The following MATN1 variants were observed in gnomAD, a reference collection of about 807,000 sequenced individuals.
MATN1 encodes the protein matrilin 1, also known as matrilin-1.
Under a neutral mutation model 41.3 loss-of-function variants are expected in MATN1, and 34 were observed. That is an observed-to-expected ratio of 0.82 (90% CI 0.63 to 1.10). The LOEUF is 1.10. Among genes scored for constraint, MATN1 ranks in the 50% least tolerant of loss-of-function variants. MATN1 has a pLI of 0.00. For missense variants in MATN1, 602 were observed against 662.4 expected (o/e 0.91, Z 1.00); for synonymous variants, 264 against 278.7 (o/e 0.95, Z 0.53).
chr1:30,715,347 G>T, intron 5 of MATN1, 38 bp from the exon 6 acceptor site: 1 of 1,609,246 alleles, frequency 6.2e-7, no homozygotes, highest in Non-Finnish European at 8.5e-7. Context: ...CTGGACATGG[G>T]GATGGGCAAC....
chr1:30,715,437 A>G, intron 5 of MATN1, 128 bp from the exon 6 acceptor site: 1 of 806,608 alleles, frequency 1.2e-6, no homozygotes, highest in Non-Finnish European at 2.0e-6. Flanking sequence ...AATTGCAAGC[A>G]CAATGCCTGG....
At position 30,712,030 on chromosome 1, in the gene MATN1, T is replaced by C. The variant is rs1276625951; in HGVS notation, c.*1552A>G. ...GTGTATTTGTGCTGTTGTACTGATG[T>C]AGCTCTTGGGTACCGTTCGTGTTGT... On this transcript the variant is annotated 3_prime_UTR_variant, in exon 8 of 8. Coordinates refer to ENST00000373765, the MANE Select transcript of MATN1 (RefSeq NM_002379.3). 2 of 152,612 alleles carry C rather than the reference T, an allele frequency of 1.3e-5. No individual in the cohort carries two copies. The highest frequency in any genetic ancestry group is 2.9e-5 in the Non-Finnish European group (2 of 68,110). 9.5% of individuals were successfully genotyped at this position (152,612 alleles called of 1,614,324 possible).
intron 1 of MATN1, 95 bp from the exon 2 acceptor site, chr1:30,721,846 C>G: frequency 2.9e-6 from 3 of 1,028,060 alleles, no homozygotes; most frequent in East Asian, 2.5e-5. Flanking sequence ...GATCCAGGTG[C>G]GAGGCCTCGG....
At chr1:30,717,800 G>T (rs940746831) in intron 3 of MATN1, among the ~76,000 whole-genome samples, 3 of 152,008 alleles carry the variant, frequency 2.0e-5, no homozygotes, top group Admixed American at 6.5e-5. Context: ...GACTACAGGC[G>T]CCCGCAACAA....
Position 30,712,787 on chromosome 1 carries a change from A to G in MATN1, c.*795T>C, listed in dbSNP as rs1011365614. 6.6e-6 allele frequency: 1 copy of G among 152,198 alleles called. No homozygotes were observed. Among genetic ancestry groups the G allele is most frequent in the African/African-American group, 2.4e-5 (1 of 41,396 alleles). 9.4% of individuals were successfully genotyped at this position (152,198 alleles called of 1,614,324 possible). A position where few individuals can be genotyped will look rare whatever the true frequency, so the allele number is the denominator to read the frequency against. ...ATGAATGAATGAACAAATGAGTCCT[A>G]TCTGGTGTCATTGCCCTTTTTCTCT... is the stretch of plus-strand genomic sequence containing the variant. On this transcript the variant is annotated 3_prime_UTR_variant, in exon 8 of 8. Coordinates refer to ENST00000373765, the MANE Select transcript of MATN1 (RefSeq NM_002379.3).
At chr1:30,713,947 C>G (rs1450411767) in intron 7 of MATN1, 2 of 578,542 alleles carry the variant, frequency 3.5e-6, no homozygotes, top group Non-Finnish European at 6.2e-6. Context: ...TCACCATGAG[C>G]CTGAGAAATG....
chr1:30,716,062 T>C lies in MATN1; in HGVS notation c.1054A>G (p.Thr352Ala). Residue 352 changes from threonine (T) to alanine (A), a missense_variant, in exon 5 of 8, where the codon ACA (threonine) becomes GCA (alanine). By Grantham distance (58) the Thr-to-Ala change is moderately conservative. Transcript: ENST00000373765. ...VRNMSYMEKG[T>A]MTGAALKYLI... is the part of the protein sequence containing the mutation. The stretch of plus-strand genomic sequence containing the variant: ...TACTTGAGAGCAGCCCCAGTCATTG[T>C]GCCCTTCTCCATGTAGGACATATTC... 6.2e-7 allele frequency: 1 copy of C among 1,614,258 alleles called. No individual in the cohort carries two copies. Among genetic ancestry groups the C allele is most frequent in the Non-Finnish European group, 8.5e-7 (1 of 1,180,046 alleles).
chr1:30,718,869 G>T lies in MATN1; in HGVS notation c.530C>A (p.Ala177Asp). 6.2e-7 allele frequency: 1 copy of T among 1,605,342 alleles called. No individual in the cohort carries two copies. ...RARASGVELF[A>D]IGVGSVDKAT... is the part of the protein sequence containing the mutation. ...CTTGTCCACGCTGCCCACTCCGATGGCGAACAGCTCGACGCCGCTGGCCCG... is the reference window on the plus strand; with the variant it reads ...CTTGTCCACGCTGCCCACTCCGATGTCGAACAGCTCGACGCCGCTGGCCCG... The change falls in exon 3 of 8, where the codon GCC (alanine) becomes GAC (aspartate). Residue 177 changes from alanine to aspartate, a missense_variant. Transcript: ENST00000373765.
intron 7 of MATN1, chr1:30,713,855 G>C (rs978262751): frequency 3.3e-6 from 2 of 602,150 alleles, no homozygotes; most frequent in African/African-American, 3.7e-5. Context: ...GACCTGCTGG[G>C]TTCCCCACCT....
At chr1:30,719,696 G>A (rs1569834520) in intron 2 of MATN1, 1 of 153,274 alleles carries the variant, frequency 6.5e-6, no homozygotes, top group East Asian at 1.9e-4. Flanking sequence ...GTGACCCCCT[G>A]TCTGCACCCG....
chr1:30,715,287 A>T lies in MATN1; in HGVS notation c.1230T>A (p.Gly410=). The change falls in exon 6 of 8, where the codon GGT becomes GGA. Residue 410 remains glycine, a synonymous_variant. Coordinates refer to ENST00000373765, the MANE Select transcript of MATN1 (RefSeq NM_002379.3). ...KDLGFKMFAV[G]VGNAVEDELR... ...GCTCATCCTCCACGGCATTGCCCAC[A>T]CCCACAGCAAACATCTTAAAGCCTG... The T allele has an allele frequency of 3.1e-6, 5 of 1,614,172 alleles. No homozygotes were observed. Among genetic ancestry groups the T allele is most frequent in the Non-Finnish European group, 4.2e-6 (5 of 1,180,034 alleles).
chr1:30,718,688 C>G (rs750742838), intron 3 of MATN1, 47 bp downstream of exon 3: 9 of 1,441,054 alleles, frequency 6.2e-6, no homozygotes, highest in South Asian at 2.6e-5. Flanking sequence ...CCGCCGCTCT[C>G]CCCTTCTCCG....
chr1:30,718,783 A>T lies in MATN1; in HGVS notation c.616T>A (p.Tyr206Asn). The change falls in exon 3 of 8, where the codon TAC (tyrosine) becomes AAC (asparagine). Residue 206 changes from tyrosine to asparagine, a missense_variant. Coordinates refer to ENST00000373765, the MANE Select transcript of MATN1 (RefSeq NM_002379.3). Reference sequence around the variant, plus strand: ...CTGGACAGCTTCTCGATGACGCTGTAGCTCTCCACGTAATCGACGTGTTCG... The same window carrying T: ...CTGGACAGCTTCTCGATGACGCTGTTGCTCTCCACGTAATCGACGTGTTCG... ...QDEHVDYVES[Y>N]SVIEKLSRKF... 1 of 1,609,678 alleles carries T rather than the reference A, an allele frequency of 6.2e-7. No homozygotes were observed. Among genetic ancestry groups the T allele is most frequent in the Non-Finnish European group, 8.5e-7 (1 of 1,178,180 alleles).
Position 30,713,246 on chromosome 1 carries a change from C to A in MATN1, c.*336G>T. The A allele has an allele frequency of 3.7e-6, 1 of 273,556 alleles. No homozygotes were observed. Among genetic ancestry groups the A allele is most frequent in the South Asian group, 7.2e-5 (1 of 13,858 alleles). 16.9% of individuals were successfully genotyped at this position (273,556 alleles called of 1,614,324 possible). On this transcript the variant is annotated 3_prime_UTR_variant, in exon 8 of 8. Coordinates refer to ENST00000373765, the MANE Select transcript of MATN1 (RefSeq NM_002379.3). ...GCACTCAGAGTCAAGAAAGGGTTAA[C>A]TAAAAAAGATGGGAATATATTAAGC...
At chr1:30,720,650 C>G (rs907679468) in intron 2 of MATN1, 2 of 153,136 alleles carry the variant, frequency 1.3e-5, no homozygotes, top group Non-Finnish European at 2.9e-5. Context: ...AGGGAAGTGG[C>G]GACTCGGGCT....
intron 3 of MATN1, among the ~76,000 whole-genome samples, chr1:30,717,377 G>C (rs1639630441): frequency 6.6e-6 from 1 of 151,996 alleles, no homozygotes; most frequent in South Asian, 2.1e-4. Flanking sequence ...CCCTGATCCT[G>C]TCCTACTGGA....
rs1161610496 is a variant in MATN1 at position 30,723,552 on chromosome 1, A to G, written c.-1T>C. ...GGCTAGTGCCAGAGAGGACCCTCAT[A>G]GTTCTGGCAGCACGGGCAGCAGCCG... On this transcript the variant is annotated 5_prime_UTR_variant, in exon 1 of 8. Coordinates refer to ENST00000373765, the MANE Select transcript of MATN1 (RefSeq NM_002379.3). 5.2e-6 allele frequency: 8 copies of G among 1,533,776 alleles called. No individual in the cohort carries two copies. Among genetic ancestry groups the G allele is most frequent in the Non-Finnish European group, 7.0e-6 (8 of 1,139,232 alleles).
In MATN1 at chr1:30,712,003, T is replaced by C. The variant is rs901487311; in HGVS notation, c.*1579A>G. ...TGGCTGTGCCCCAGTTAAGTCGCGC[T>C]TGTGTATTTGTGCTGTTGTACTGAT... On this transcript the variant is annotated 3_prime_UTR_variant, in exon 8 of 8. Transcript: ENST00000373765. 5 of 152,568 alleles carry C rather than the reference T, an allele frequency of 3.3e-5. No individual in the cohort carries two copies. Among genetic ancestry groups the C allele is most frequent in the Admixed American group, 2.6e-4 (4 of 15,286 alleles). 9.5% of individuals were successfully genotyped at this position (152,568 alleles called of 1,614,324 possible).
At chr1:30,717,680 C>T (rs1639637808) in intron 3 of MATN1, among the ~76,000 whole-genome samples, 3 of 129,348 alleles carry the variant, frequency 2.3e-5, no homozygotes, top group African/African-American at 6.5e-5. Context: ...GAGACGGAGT[C>T]GTCTCGCTCT....
Sources: allele counts gnomAD v4.1 joint callset (sites outside exome capture counted in the v4.1 genomes callset), GRCh38; gene constraint gnomAD v4.1.1; transcripts MANE v1.5; gene names NCBI Gene and HGNC (gene_info 2026-07-23, HGNC 2026-07-21).